GLRA3: variants seen among roughly 807,000 people sequenced by gnomAD.
GLRA3 encodes the protein glycine receptor subunit alpha-3.
A neutral mutation model predicts 60.4 loss-of-function variants in GLRA3; 44 were observed. The observed-to-expected ratio is 0.73, with a 90% CI of 0.57 to 0.94. The LOEUF (loss-of-function observed/expected upper bound fraction) is 0.94, where lower values mean the gene tolerates loss of function less well. Ranked by LOEUF, GLRA3 falls within the 40% of genes least tolerant of loss-of-function variation. The pLI is 0.00. For synonymous variants in GLRA3, 223 were observed against 192.9 expected, an observed-to-expected ratio of 1.16 and a Z score of -1.29; for missense variants, 508 against 564.6, an observed-to-expected ratio of 0.90 and a Z score of 1.02.
At chr4:174,766,463 T>C (rs1325559283) in intron 3 of GLRA3, among the ~76,000 whole-genome samples, 1 of 152,068 alleles carries the variant, frequency 6.6e-6, no homozygotes, top group African/African-American at 2.4e-5. Flanking sequence ...ATTTTTATGT[T>C]TTTCTGGCTT....
intron 1 of GLRA3, among the ~76,000 whole-genome samples, chr4:174,791,283 T>C (rs1739337356): frequency 1.3e-5 from 2 of 152,112 alleles, no homozygotes; most frequent in Non-Finnish European, 1.5e-5. Context: ...AGCAAAGGAA[T>C]GCTGGCAGCC....
intron 1 of GLRA3, among the ~76,000 whole-genome samples, chr4:174,805,411 G>A (rs903042586): frequency 2.6e-5 from 4 of 152,046 alleles, no homozygotes; most frequent in African/African-American, 9.6e-5. Context: ...ACTGACTCTG[G>A]GAAGCTAATC....
chr4:174,725,029 C>A (rs1736268883), intron 4 of GLRA3, among the ~76,000 whole-genome samples: 1 of 152,234 alleles, frequency 6.6e-6, no homozygotes, highest in Non-Finnish European at 1.5e-5. Context: ...CTTCTTGAAT[C>A]TGCAGGCTCA....
chr4:174,737,669 G>A (rs1035749548), intron 3 of GLRA3, among the ~76,000 whole-genome samples: 1 of 151,998 alleles, frequency 6.6e-6, no homozygotes, highest in African/African-American at 2.4e-5. Context: ...CCACCACCAT[G>A]TCTGGAGAAA....
At chr4:174,673,893 C>T (rs1211415618) in intron 7 of GLRA3, among the ~76,000 whole-genome samples, 1 of 152,150 alleles carries the variant, frequency 6.6e-6, no homozygotes, top group East Asian at 1.9e-4. Flanking sequence ...TAGTTACTTA[C>T]TTGAATGCTA....
chr4:174,678,452 C>G (rs898697241), intron 6 of GLRA3, among the ~76,000 whole-genome samples: 2 of 152,130 alleles, frequency 1.3e-5, no homozygotes, highest in Middle Eastern at 3.2e-3. Flanking sequence ...AAGTAACATT[C>G]TGTTACTTAT....
rs1201021956 is a variant in GLRA3 at position 174,640,417 on chromosome 4, G to A, written c.*3369C>T. On this transcript the variant is annotated 3_prime_UTR_variant, in exon 10 of 10. Transcript: ENST00000274093. ...TTATAGATGAAATAAAAATTTAGCT[G>A]CCAGTATAATATTCAGTCCTCCCAA... The A allele has an allele frequency of 6.6e-6, 1 of 151,970 alleles. No homozygotes were observed. Among genetic ancestry groups the A allele is most frequent in the Non-Finnish European group, 1.5e-5 (1 of 67,954 alleles). The allele number at this position is 151,970 out of a possible 1,614,324, so 9.4% of individuals were successfully genotyped here. A position where few individuals can be genotyped will look rare whatever the true frequency, so the allele number is the denominator to read the frequency against.
chr4:174,671,371 T>G (rs1733900073), intron 7 of GLRA3, among the ~76,000 whole-genome samples: 1 of 152,018 alleles, frequency 6.6e-6, no homozygotes, highest in African/African-American at 2.4e-5. Context: ...TGTACTCTCC[T>G]TTAAAATTTA....
At chr4:174,665,374 G>A (rs901632986) in intron 7 of GLRA3, among the ~76,000 whole-genome samples, 3 of 151,206 alleles carry the variant, frequency 2.0e-5, no homozygotes, top group Non-Finnish European at 4.4e-5. Context: ...CCAGAATAAC[G>A]CATCTCAGCA....
intron 4 of GLRA3, among the ~76,000 whole-genome samples, chr4:174,718,996 G>A (rs1250878212): frequency 1.7e-5 from 2 of 115,154 alleles, no homozygotes; most frequent in South Asian, 2.8e-4. Context: ...ACGGAGTCTC[G>A]CTGTCGCCCA....
At chr4:174,754,430 A>T (rs1248611156) in intron 3 of GLRA3, among the ~76,000 whole-genome samples, 1 of 152,164 alleles carries the variant, frequency 6.6e-6, no homozygotes, top group Admixed American at 6.5e-5. Flanking sequence ...GAAAAAAAAG[A>T]GAAGGAGGAT....
In GLRA3 at chr4:174,712,926, TA is replaced by T. The variant is rs1349155681; in HGVS notation, c.574+2561del. On this transcript the variant is annotated intron_variant, in intron 5 of 9. Transcript: ENST00000274093. ...ACATATATGCATATATATACACACA[TA>T]TGTATATATACACAGAAATGTAGGC... is the stretch of plus-strand genomic sequence containing the variant. 6 of 151,220 alleles carry T rather than the reference TA, an allele frequency of 4.0e-5. No individual in the cohort carries two copies. In the East Asian group the frequency reaches 1.2e-3, roughly 29 times the overall value. 9.4% of individuals were successfully genotyped at this position (151,220 alleles called of 1,614,324 possible).
intron 2 of GLRA3, among the ~76,000 whole-genome samples, chr4:174,780,435 A>C (rs1250523152): frequency 7.9e-5 from 12 of 151,386 alleles, no homozygotes; most frequent in Middle Eastern, 3.4e-3. Flanking sequence ...CTAACATCAT[A>C]ATGACAGGAT....
At chr4:174,759,565 A>G (rs1159131778) in intron 3 of GLRA3, among the ~76,000 whole-genome samples, 1 of 152,124 alleles carries the variant, frequency 6.6e-6, no homozygotes, top group East Asian at 1.9e-4. Flanking sequence ...ATTTGACAAG[A>G]TAATTCTAAA....
intron 1 of GLRA3, among the ~76,000 whole-genome samples, chr4:174,803,474 T>A (rs1467016072): frequency 1.3e-5 from 2 of 152,194 alleles, no homozygotes; most frequent in South Asian, 4.1e-4. Context: ...CATGATACAA[T>A]GGATGAGGCT....
chr4:174,769,167 T>C (rs1034667649), intron 2 of GLRA3, among the ~76,000 whole-genome samples: 2 of 152,190 alleles, frequency 1.3e-5, no homozygotes, highest in African/African-American at 4.8e-5. Flanking sequence ...CATAATATGT[T>C]TTTTCTTTTA....
chr4:174,664,427 A>G (rs1055880948), intron 7 of GLRA3, among the ~76,000 whole-genome samples: 2 of 152,104 alleles, frequency 1.3e-5, no homozygotes, highest in African/African-American at 4.8e-5. Flanking sequence ...CAAACAAACA[A>G]AAAAACAACA....
intron 3 of GLRA3, among the ~76,000 whole-genome samples, chr4:174,744,762 C>G (rs987678896): frequency 1.3e-5 from 2 of 152,082 alleles, no homozygotes; most frequent in East Asian, 3.9e-4. Context: ...AAATATGACG[C>G]CTTCAAGGGA....
intron 3 of GLRA3, among the ~76,000 whole-genome samples, chr4:174,757,100 A>G (rs1323849196): frequency 6.6e-6 from 1 of 152,234 alleles, no homozygotes; most frequent in Non-Finnish European, 1.5e-5. Context: ...AAAAAGTACA[A>G]CTGTCTTAAC....
Sources: gnomAD v4.1 joint callset for allele counts (sites outside exome capture counted in the v4.1 genomes callset) on GRCh38, gnomAD v4.1.1 for gene constraint, MANE v1.5 for transcripts, NCBI Gene and HGNC (gene_info 2026-07-23, HGNC 2026-07-21) for gene names.